KIDINS220: variants seen among roughly 807,000 people sequenced by gnomAD.
KIDINS220 encodes kinase D-interacting substrate of 220 kDa.
A neutral mutation model predicts 157.6 loss-of-function variants in KIDINS220; 63 were observed. That is an observed-to-expected ratio of 0.40 (90% confidence interval 0.33 to 0.49). The LOEUF is 0.49. Ranked by LOEUF, KIDINS220 falls within the 20% of genes least tolerant of loss-of-function variation. The pLI, the probability that KIDINS220 is intolerant of heterozygous loss-of-function variation, is 0.66. For synonymous variants in KIDINS220, 732 were observed against 783.6 expected (o/e 0.93, Z 1.10); for missense variants, 1,772 against 2,171.2 (o/e 0.82, Z 3.65).
intron 6 of KIDINS220, among the ~76,000 whole-genome samples, chr2:8,806,640 G>C (rs1572734897): frequency 1.3e-5 from 2 of 152,168 alleles, no homozygotes. Flanking sequence ...GAATGCAGTA[G>C]TGCAATCTTG....
chr2:8,810,048 C>G (rs978000182), intron 6 of KIDINS220, among the ~76,000 whole-genome samples: 3 of 152,156 alleles, frequency 2.0e-5, no homozygotes, highest in South Asian at 2.1e-4. Flanking sequence ...TGAAGCCGTC[C>G]CCTGGTACCT....
intron 1 of KIDINS220, among the ~76,000 whole-genome samples, chr2:8,831,580 C>G (rs1391744464): frequency 6.6e-6 from 1 of 152,250 alleles, no homozygotes; most frequent in Admixed American, 6.5e-5. Context: ...GGCTCCTCCA[C>G]ACCTGTGTAT....
chr2:8,797,881 C>T (rs767134235), intron 10 of KIDINS220, among the ~76,000 whole-genome samples: 11 of 152,192 alleles, frequency 7.2e-5, no homozygotes, highest in Non-Finnish European at 1.5e-5. Flanking sequence ...CCTGAGCACA[C>T]GCCATCTCCC....
intron 2 of KIDINS220, among the ~76,000 whole-genome samples, chr2:8,825,558 C>A (rs1363028281): frequency 6.6e-6 from 1 of 151,530 alleles, no homozygotes; most frequent in East Asian, 1.9e-4. Flanking sequence ...TATATGTAAG[C>A]AAATATATAC....
intron 10 of KIDINS220, 24 bp from the exon 11 acceptor site, chr2:8,796,893 T>A: frequency 3.2e-6 from 5 of 1,552,078 alleles, no homozygotes; most frequent in Non-Finnish European, 4.5e-6. Context: ...TAAGAACATT[T>A]GCCAGATTAA....
chr2:8,732,705 G>A (rs1039200146), intron 29 of KIDINS220, among the ~76,000 whole-genome samples: 7 of 152,108 alleles, frequency 4.6e-5, no homozygotes, highest in African/African-American at 1.7e-4. Context: ...AATTTGTTGG[G>A]GACCTTCTCA....
intron 3 of KIDINS220, among the ~76,000 whole-genome samples, chr2:8,818,302 GA>G (rs1441187278): frequency 1.3e-5 from 2 of 152,056 alleles, no homozygotes; most frequent in Admixed American, 1.3e-4. Flanking sequence ...GTGGAATGTT[GA>G]TTTACCCCTC....
At chr2:8,757,912 G>A in intron 22 of KIDINS220, 1 of 794,054 alleles carries the variant, frequency 1.3e-6, no homozygotes, top group Non-Finnish European at 2.0e-6. Context: ...GCCCAGGCTG[G>A]AGTGCAGTGG....
chr2:8,832,316 T>C (rs1209817832), intron 1 of KIDINS220, among the ~76,000 whole-genome samples: 2 of 152,252 alleles, frequency 1.3e-5, no homozygotes, highest in Non-Finnish European at 2.9e-5. Flanking sequence ...TTTCACTGAA[T>C]AATTGATTAT....
intron 22 of KIDINS220, among the ~76,000 whole-genome samples, chr2:8,760,997 A>T (rs1161936931): frequency 6.6e-6 from 1 of 152,212 alleles, no homozygotes; most frequent in Non-Finnish European, 1.5e-5. Flanking sequence ...AAAATAATTC[A>T]TAACTGACTC....
chr2:8,807,840 G>A (rs952017161), intron 6 of KIDINS220, among the ~76,000 whole-genome samples: 2 of 152,110 alleles, frequency 1.3e-5, no homozygotes, highest in African/African-American at 2.4e-5. Flanking sequence ...AATACAGGAT[G>A]AGCAGGCACT....
At chr2:8,721,607 G>A (rs184328713), downstream of KIDINS220, 3 of 152,372 alleles carry the variant, frequency 2.0e-5, no homozygotes, top group Admixed American at 1.3e-4. Flanking sequence ...TACTGATGAT[G>A]ATGATACAGC....
In KIDINS220 at chr2:8,812,504, A is replaced by G; in HGVS notation, c.406-11T>C. ...TGGGTAAACACTGTACTGCTAGGAT[A>G]GATTGGTTGGTAGGTAGGTAGATAA... On this transcript the variant is annotated splice_polypyrimidine_tract_variant and intron_variant, in intron 5 of 29. Transcript: ENST00000256707. 6.7e-7 allele frequency: 1 copy of G among 1,495,446 alleles called. No homozygotes were observed. The highest frequency in any genetic ancestry group is 1.8e-4 in the Middle Eastern group (1 of 5,676). The allele number at this position is 1,495,446 out of a possible 1,614,324, so 92.6% of individuals were successfully genotyped here.
rs371161832 is a variant in KIDINS220, at chr2:8,778,976, T to C, written c.2534A>G (p.Asn845Ser). The change falls in exon 19 of 30, where the codon AAT becomes AGT. Residue 845 changes from asparagine to serine, a missense_variant. Asn to Ser is a conservative substitution (Grantham distance 46). Transcript: ENST00000256707. Reference protein sequence around the residue: ...RNIVHLPVFLNSRGLSNARKF... With the variant: ...RNIVHLPVFLSSRGLSNARKF... ...TCTTGCATTGCTTAGTCCACGACTA[T>C]TAAGGAACACAGGCAAGTGGACTAT... The C allele has an allele frequency of 6.2e-6, 10 of 1,614,046 alleles. No individual in the cohort carries two copies. Among genetic ancestry groups the C allele is most frequent in the African/African-American group, 1.3e-5 (1 of 74,936 alleles).
At chr2:8,813,380 C>A (rs1558475880) in intron 4 of KIDINS220, 45 bp from the exon 5 acceptor site, 1 of 1,283,248 alleles carries the variant, frequency 7.8e-7, no homozygotes, top group Non-Finnish European at 1.1e-6. Context: ...TTTAAATCAT[C>A]TCTGAGTATA....
At chr2:8,798,146 G>A (rs977263734) in intron 10 of KIDINS220, 56 bp downstream of exon 10, 29 of 960,758 alleles carry the variant, frequency 3.0e-5, no homozygotes, top group Non-Finnish European at 3.3e-6. Flanking sequence ...AATAAAATGA[G>A]CAGTACTAAC....
At position 8,817,629 on chromosome 2, in the gene KIDINS220, G is replaced by A. The variant is rs769583763; in HGVS notation, c.295C>T (p.His99Tyr). ...AAAAATGTCCATACCATATCACGGT[G>A]CTCCAAGTTAACCCCACATTTCAGT... Reference protein sequence around the residue: ...ELLKCGVNLEHRDMGGWTALM... With the variant: ...ELLKCGVNLEYRDMGGWTALM... The change falls in exon 4 of 30, where the codon CAC (histidine) becomes TAC (tyrosine). Residue 99 changes from histidine (H) to tyrosine (Y), a missense_variant. His to Tyr is a moderately conservative substitution (Grantham distance 83). This residue lies in a region of KIDINS220 where 254 missense variants were observed against 268.6 expected (regional missense o/e 0.95). Transcript: ENST00000256707. The A allele has an allele frequency of 3.1e-6, 5 of 1,597,696 alleles. No homozygotes were observed. The highest frequency in any genetic ancestry group is 1.7e-4 in the Middle Eastern group (1 of 6,014).
chr2:8,749,343 A>G (rs941264926), intron 24 of KIDINS220: 1 of 450,288 alleles, frequency 2.2e-6, no homozygotes. Context: ...AAAGAGGGAG[A>G]TAGCAAAAAT....
chr2:8,758,079 T>C (rs1301719951), intron 22 of KIDINS220, among the ~76,000 whole-genome samples: 1 of 152,174 alleles, frequency 6.6e-6, no homozygotes, highest in Middle Eastern at 3.2e-3. Flanking sequence ...GCCAGGCTGG[T>C]CTCGAACTCC....
Sources: allele counts gnomAD v4.1 joint callset (sites outside exome capture counted in the v4.1 genomes callset), GRCh38; gene constraint gnomAD v4.1.1; regional missense constraint gnomAD v4.1.1; transcripts MANE v1.5; gene names NCBI Gene and HGNC (gene_info 2026-07-23, HGNC 2026-07-21).